The following USP24 variants were observed in gnomAD, a reference collection of about 807,000 sequenced individuals.
USP24 encodes ubiquitin specific peptidase 24.
USP24 carries 97 observed loss-of-function variants against 361.6 expected under a neutral mutation model. That is an observed-to-expected ratio of 0.27 (90% CI 0.23 to 0.32). The LOEUF is 0.32. USP24 is among the 10% of genes least tolerant of loss of function. The pLI is 1.00. For synonymous variants in USP24, 1,098 were observed against 1,124.6 expected, an observed-to-expected ratio of 0.98 and a Z score of 0.47; for missense variants, 2,353 against 3,165.6, an observed-to-expected ratio of 0.74 and a Z score of 6.16.
At chr1:55,203,612 A>G (rs1449719789) in intron 1 of USP24, among the ~76,000 whole-genome samples, 1 of 152,200 alleles carries the variant, frequency 6.6e-6, no homozygotes, top group Non-Finnish European at 1.5e-5. Flanking sequence ...TACAATCACT[A>G]TGGACTGGGA....
At chr1:55,197,817 A>G (rs1413610725) in intron 1 of USP24, among the ~76,000 whole-genome samples, 2 of 152,224 alleles carry the variant, frequency 1.3e-5, no homozygotes, top group South Asian at 2.1e-4. Context: ...TGCCTGTTCA[A>G]CTGAAATCTA....
chr1:55,111,189 T>C (rs1645939662), intron 38 of USP24, among the ~76,000 whole-genome samples: 2 of 151,952 alleles, frequency 1.3e-5, no homozygotes, highest in African/African-American at 2.4e-5. Flanking sequence ...TGAGGGAAAA[T>C]ATGTACCAAA....
At chr1:55,081,552 T>A in intron 58 of USP24, 128 bp from the exon 59 acceptor site, 2 of 863,092 alleles carry the variant, frequency 2.3e-6, no homozygotes, top group Admixed American at 2.3e-5. Context: ...ACAGAAGAGG[T>A]CAAGGTACAA....
At chr1:55,204,466 A>G (rs1056309367) in intron 1 of USP24, among the ~76,000 whole-genome samples, 2 of 151,594 alleles carry the variant, frequency 1.3e-5, no homozygotes, top group Non-Finnish European at 2.9e-5. Flanking sequence ...ATGACACTAA[A>G]GAAATACTGC....
intron 32 of USP24, among the ~76,000 whole-genome samples, chr1:55,126,148 A>G (rs1236636886): frequency 6.6e-6 from 1 of 152,190 alleles, no homozygotes; most frequent in Non-Finnish European, 1.5e-5. Context: ...TATCTCTGCA[A>G]TGTCATGTCC....
chr1:55,121,588 CAACTT>C lies in USP24; in HGVS notation c.4277-87_4277-83del. The C allele has an allele frequency of 5.3e-6, 6 of 1,127,596 alleles. No individual in the cohort carries two copies. In the South Asian group the frequency reaches 8.6e-5, roughly 16 times the overall value. The allele number at this position is 1,127,596 out of a possible 1,614,324, so 69.8% of individuals were successfully genotyped here. On this transcript the variant is annotated intron_variant, in intron 36 of 67. Coordinates refer to ENST00000294383, the MANE Select transcript of USP24 (RefSeq NM_015306.3). ...CAAATTTTGATTAATTTCTTAAGCTCAACTTAAGCATAAGCTCTTCTCTTTTACAT... is the reference window on the plus strand; with the variant it reads ...CAAATTTTGATTAATTTCTTAAGCTCAAGCATAAGCTCTTCTCTTTTACAT...
intron 38 of USP24, among the ~76,000 whole-genome samples, chr1:55,114,257 G>A (rs533335467): frequency 8.5e-5 from 13 of 152,252 alleles, no homozygotes; most frequent in African/African-American, 3.1e-4. Flanking sequence ...ACAAACAAAT[G>A]GAAAAACATT....
intron 1 of USP24, among the ~76,000 whole-genome samples, chr1:55,183,326 T>C (rs150347188): frequency 2.7e-3 from 418 of 152,252 alleles, no homozygotes; most frequent in Middle Eastern, 0.01. Context: ...AACAACAAAA[T>C]ACATACACAT....
At chr1:55,157,162 T>C in intron 11 of USP24, 94 bp downstream of exon 11, 1 of 1,348,830 alleles carries the variant, frequency 7.4e-7, no homozygotes, top group Admixed American at 2.0e-5. Flanking sequence ...TAAAGACTAA[T>C]ACAGTCAAAG....
intron 54 of USP24, among the ~76,000 whole-genome samples, chr1:55,091,576 C>G (rs1645377928): frequency 1.3e-5 from 2 of 152,208 alleles, no homozygotes; most frequent in Non-Finnish European, 2.9e-5. Flanking sequence ...ACCCAACATT[C>G]AGCCTCAGCT....
At position 55,086,047 on chromosome 1, in the gene USP24, AAG is replaced by A. The variant is rs1645244018; in HGVS notation, c.6669-11_6669-10del. The A allele has an allele frequency of 1.2e-6, 2 of 1,613,444 alleles. No homozygotes were observed. The highest frequency in any genetic ancestry group is 1.1e-5 in the South Asian group (1 of 91,072). On this transcript the variant is annotated splice_polypyrimidine_tract_variant and intron_variant, in intron 55 of 67. Coordinates refer to ENST00000294383, the MANE Select transcript of USP24 (RefSeq NM_015306.3). ...ACTCCAGTAAGAAAATCCTGAAAGA[AAG>A]AGAAAGGTGGTGTGAAAAAGCAAGA...
rs1475795488 is a variant in USP24 at position 55,110,149 on chromosome 1, C to T, written c.4570+36G>A. On this transcript the variant is annotated intron_variant, in intron 39 of 67. Transcript: ENST00000294383. Reference sequence around the variant, plus strand: ...TGTGACTTTCTCTTCTACTCTTCCCCAGCCCCTCTCCCCTACATATTAGTC... The same window carrying T: ...TGTGACTTTCTCTTCTACTCTTCCCTAGCCCCTCTCCCCTACATATTAGTC... 9 of 1,497,488 alleles carry T rather than the reference C, an allele frequency of 6.0e-6. No homozygotes were observed. In the African/African-American group the frequency reaches 1.1e-4, roughly 19 times the overall value. The allele number at this position is 1,497,488 out of a possible 1,614,324, so 92.8% of individuals were successfully genotyped here. A position where few individuals can be genotyped will look rare whatever the true frequency, so the allele number is the denominator to read the frequency against.
chr1:55,103,927 T>C lies in USP24; in HGVS notation c.4974A>G (p.Glu1658=), dbSNP rs768008503. Residue 1658 remains glutamate, a synonymous_variant, in exon 42 of 68, where the codon GAA becomes GAG. Transcript: ENST00000294383. ...SPSNLQIIIK[E]LLSMHHQPDP... is the part of the protein sequence containing the mutation. ...CAGGCTGGTGATGCATAGAAAGCAGTTCTTTTATAATAATTTGAAGATTTG... is the reference window on the plus strand; with the variant it reads ...CAGGCTGGTGATGCATAGAAAGCAGCTCTTTTATAATAATTTGAAGATTTG... 6.2e-7 allele frequency: 1 copy of C among 1,612,774 alleles called. No individual in the cohort carries two copies. The highest frequency in any genetic ancestry group is 1.7e-5 in the Admixed American group (1 of 59,832).
chr1:55,187,156 A>T (rs1426667412), intron 1 of USP24, among the ~76,000 whole-genome samples: 1 of 152,224 alleles, frequency 6.6e-6, no homozygotes, highest in Non-Finnish European at 1.5e-5. Context: ...ATAACACCAT[A>T]GTAACAGAAT....
chr1:55,174,048 A>T (rs898976816), intron 3 of USP24, among the ~76,000 whole-genome samples: 8 of 152,230 alleles, frequency 5.3e-5, no homozygotes, highest in Admixed American at 5.2e-4. Context: ...AAACATAACC[A>T]TGCACTATGG....
At position 55,068,714 on chromosome 1, in the gene USP24, C is replaced by G. The variant is rs563103721; in HGVS notation, c.*331G>C. The G allele has an allele frequency of 1.1e-5, 3 of 283,682 alleles. No individual in the cohort carries two copies. Among genetic ancestry groups the G allele is most frequent in the African/African-American group, 2.2e-5 (1 of 45,966 alleles). The allele number at this position is 283,682 out of a possible 1,614,324, so 17.6% of individuals were successfully genotyped here. On this transcript the variant is annotated 3_prime_UTR_variant, in exon 68 of 68. Transcript: ENST00000294383. ...TTTTGTAGCATCGTAGAGAAAGCAACAGCTTTATGCTCACTCTTGTATGTT... is the reference window on the plus strand; with the variant it reads ...TTTTGTAGCATCGTAGAGAAAGCAAGAGCTTTATGCTCACTCTTGTATGTT...
intron 1 of USP24, among the ~76,000 whole-genome samples, chr1:55,210,420 C>T (rs1163084595): frequency 6.6e-6 from 1 of 152,104 alleles, no homozygotes; most frequent in Non-Finnish European, 1.5e-5. Context: ...TCATAAACCA[C>T]AGGTCATGTA....
chr1:55,183,707 G>C (rs1305561811), intron 1 of USP24, among the ~76,000 whole-genome samples: 1 of 152,058 alleles, frequency 6.6e-6, no homozygotes, highest in East Asian at 1.9e-4. Flanking sequence ...AAAAGGCAGA[G>C]GTTTGCAGAA....
intron 1 of USP24, among the ~76,000 whole-genome samples, chr1:55,191,236 G>A (rs1306764225): frequency 2.6e-5 from 4 of 152,076 alleles, no homozygotes; most frequent in Non-Finnish European, 1.5e-5. Context: ...GTCAGTTTAC[G>A]ATTAAAGTAA....
Sources: gnomAD v4.1 joint callset for allele counts (sites outside exome capture counted in the v4.1 genomes callset) on GRCh38, gnomAD v4.1.1 for gene constraint, MANE v1.5 for transcripts, NCBI Gene and HGNC (gene_info 2026-07-23, HGNC 2026-07-21) for gene names.